The following PEAK1 variants were observed in gnomAD, a reference collection of about 807,000 sequenced individuals.
PEAK1 encodes the protein pseudopodium enriched atypical kinase 1, also known as inactive tyrosine-protein kinase PEAK1.
In PEAK1, 54 loss-of-function variants were observed where a neutral mutation model predicts 124.7. The ratio of observed to expected loss-of-function variants is 0.43; its 90% confidence interval spans 0.35 to 0.54. The LOEUF is 0.54. PEAK1 is among the 20% of genes least tolerant of loss of function. The pLI, the probability that PEAK1 is intolerant of heterozygous loss-of-function variation, is 0.01. For missense variants in PEAK1, 2,046 were observed against 2,134.5 expected (o/e 0.96, Z 0.82); for synonymous variants, 719 against 760.0 (o/e 0.95, Z 0.89).
At chr15:77,417,859 G>A (rs1051360069) in intron 1 of PEAK1, 1 of 985,172 alleles carries the variant, frequency 1.0e-6, no homozygotes, top group Non-Finnish European at 1.2e-6. Context: ...TGCTTATTTG[G>A]CAAATATGGT....
intron 8 of PEAK1, among the ~76,000 whole-genome samples, chr15:77,147,768 T>G (rs1207898805): frequency 1.3e-5 from 2 of 152,176 alleles, no homozygotes; most frequent in South Asian, 4.1e-4. Flanking sequence ...AGTTGTCAAG[T>G]TGCATAAAGA....
At chr15:77,226,072 T>TA (rs1469339392) in intron 6 of PEAK1, among the ~76,000 whole-genome samples, 67 of 137,208 alleles carry the variant, frequency 4.9e-4, no homozygotes, top group African/African-American at 1.7e-3. Context: ...TATATATATA[T>TA]ATATATATAT....
chr15:77,131,417 C>T (rs1030912412), intron 9 of PEAK1, among the ~76,000 whole-genome samples: 2 of 152,140 alleles, frequency 1.3e-5, no homozygotes, highest in African/African-American at 4.8e-5. Flanking sequence ...CGCTTGAACC[C>T]GGGAGGCAGA....
chr15:77,363,802 A>G (rs1376982881), intron 2 of PEAK1, among the ~76,000 whole-genome samples: 3 of 152,160 alleles, frequency 2.0e-5, no homozygotes, highest in Non-Finnish European at 4.4e-5. Context: ...AGAAGACAAC[A>G]TATTGTGCAA....
At chr15:77,380,093 T>C (rs1321528064) in intron 1 of PEAK1, among the ~76,000 whole-genome samples, 2 of 152,246 alleles carry the variant, frequency 1.3e-5, no homozygotes, top group South Asian at 4.1e-4. Context: ...CTTGTTTTTT[T>C]AGCTCCATTG....
intron 1 of PEAK1, among the ~76,000 whole-genome samples, chr15:77,386,631 T>C (rs1005061432): frequency 1.3e-5 from 2 of 152,098 alleles, no homozygotes; most frequent in African/African-American, 4.8e-5. Context: ...GGGATTCTGG[T>C]GGCATCATAA....
At chr15:77,299,685 C>T (rs2063690201) in intron 2 of PEAK1, among the ~76,000 whole-genome samples, 1 of 152,186 alleles carries the variant, frequency 6.6e-6, no homozygotes, top group African/African-American at 2.4e-5. Context: ...TTGGAATTCT[C>T]TTTTCTTCCA....
chr15:77,190,360 T>C (rs1028693465), intron 6 of PEAK1, among the ~76,000 whole-genome samples: 5 of 152,218 alleles, frequency 3.3e-5, no homozygotes, highest in African/African-American at 1.2e-4. Flanking sequence ...TTCTAATAAA[T>C]AAGTTGGAAT....
chr15:77,211,366 T>C (rs1360848991), intron 6 of PEAK1, among the ~76,000 whole-genome samples: 3 of 152,206 alleles, frequency 2.0e-5, no homozygotes, highest in Admixed American at 6.5e-5. Flanking sequence ...TGTGGCTTGA[T>C]GTACCATATA....
intron 2 of PEAK1, among the ~76,000 whole-genome samples, chr15:77,310,709 T>A (rs931078068): frequency 2.6e-5 from 4 of 152,174 alleles, no homozygotes; most frequent in Admixed American, 2.0e-4. Flanking sequence ...TATAAGTTTA[T>A]GCAAAAGACA....
At chr15:77,169,960 G>A (rs2152804417) in intron 7 of PEAK1, among the ~76,000 whole-genome samples, 1 of 152,210 alleles carries the variant, frequency 6.6e-6, no homozygotes, top group East Asian at 1.9e-4. Flanking sequence ...GATATCAAGT[G>A]GAAAATTGCA....
intron 2 of PEAK1, among the ~76,000 whole-genome samples, chr15:77,321,850 G>A (rs2065240460): frequency 6.6e-6 from 1 of 152,084 alleles, no homozygotes; most frequent in African/African-American, 2.4e-5. Context: ...GTAAGGAAGG[G>A]ATCCAGTTTC....
In PEAK1 at chr15:77,112,392, T is replaced by C. The variant is rs573316336; in HGVS notation, c.*1764A>G. The C allele has an allele frequency of 6.6e-6, 1 of 152,338 alleles. No individual in the cohort carries two copies. The highest frequency in any genetic ancestry group is 2.1e-4 in the South Asian group (1 of 4,828). 9.4% of individuals were successfully genotyped at this position (152,338 alleles called of 1,614,324 possible). The stretch of plus-strand genomic sequence containing the variant: ...GTGCTATGTAAGTAATACTGCACAG[T>C]CAGTCTTGGCTTTAAGGAAACTCTG... On this transcript the variant is annotated 3_prime_UTR_variant, in exon 10 of 10. Coordinates refer to ENST00000682557, the MANE Select transcript of PEAK1 (RefSeq NM_001385026.1).
At chr15:77,285,585 C>A (rs1351065811) in intron 3 of PEAK1, among the ~76,000 whole-genome samples, 3 of 152,148 alleles carry the variant, frequency 2.0e-5, no homozygotes, top group Admixed American at 2.0e-4. Context: ...TCTTTAAGAG[C>A]TTCTGACCTC....
intron 8 of PEAK1, among the ~76,000 whole-genome samples, chr15:77,151,464 T>C (rs1182830874): frequency 1.3e-5 from 2 of 152,248 alleles, no homozygotes; most frequent in East Asian, 3.8e-4. Context: ...GTAGGTTGCC[T>C]GTTCACTCTG....
intron 2 of PEAK1, among the ~76,000 whole-genome samples, chr15:77,291,065 T>G (rs376169316): frequency 6.6e-6 from 1 of 152,224 alleles, no homozygotes; most frequent in African/African-American, 2.4e-5. Flanking sequence ...CAGAATCACT[T>G]TGAAGTGTAA....
Position 77,320,888 on chromosome 15 carries a change from C to T in PEAK1, c.-602-34384G>A, listed in dbSNP as rs185456429. Among the ~76,000 whole-genome samples the T allele has an allele frequency of 2.8e-3, 429 of 152,006 alleles. 1 individual carries two copies. Among genetic ancestry groups the T allele is most frequent in the African/African-American group, 0.01 (416 of 41,452 alleles). The stretch of plus-strand genomic sequence containing the variant: ...TGTGTTCTCATTGTTCAATTCCCAC[C>T]TATGAGTGAGAGCATGCGGTGTTTG... On this transcript the variant is annotated intron_variant, in intron 2 of 9. Transcript: ENST00000682557.
intron 9 of PEAK1, among the ~76,000 whole-genome samples, chr15:77,123,176 C>A (rs1321662667): frequency 6.6e-6 from 1 of 152,166 alleles, no homozygotes; most frequent in Non-Finnish European, 1.5e-5. Flanking sequence ...TACCTACTAT[C>A]CCAATTCTGG....
intron 9 of PEAK1, among the ~76,000 whole-genome samples, chr15:77,118,590 C>T (rs955048238): frequency 6.6e-6 from 1 of 152,176 alleles, no homozygotes; most frequent in Non-Finnish European, 1.5e-5. Context: ...AAAGTAACTT[C>T]TTCTTGGCTC....
Sources: gnomAD v4.1 joint callset for allele counts (sites outside exome capture counted in the v4.1 genomes callset) on GRCh38, gnomAD v4.1.1 for gene constraint, MANE v1.5 for transcripts, NCBI Gene and HGNC (gene_info 2026-07-23, HGNC 2026-07-21) for gene names.